The following HS6ST3 variants were observed in gnomAD, a reference collection of about 807,000 sequenced individuals.
The protein encoded by HS6ST3 is heparan-sulfate 6-O-sulfotransferase 3.
HS6ST3 carries 12 observed loss-of-function variants against 36.7 expected under a neutral mutation model. The observed-to-expected ratio is 0.33, with a 90% CI of 0.21 to 0.53. HS6ST3 has a LOEUF of 0.53. Ranked by LOEUF, HS6ST3 falls within the 20% of genes least tolerant of loss-of-function variation. The pLI, the probability that HS6ST3 is intolerant of heterozygous loss-of-function variation, is 0.95. For synonymous variants in HS6ST3, 240 were observed against 257.5 expected (o/e 0.93, Z 0.65); for missense variants, 584 against 640.9 (o/e 0.91, Z 0.96).
At chr13:96,698,349 T>A (rs1028440943) in intron 1 of HS6ST3, among the ~76,000 whole-genome samples, 1 of 152,182 alleles carries the variant, frequency 6.6e-6, no homozygotes, top group South Asian at 2.1e-4. Context: ...TCCAGCTTCA[T>A]CCATGTCCCT....
At chr13:96,370,634 A>G (rs534694320) in intron 1 of HS6ST3, among the ~76,000 whole-genome samples, 2 of 152,308 alleles carry the variant, frequency 1.3e-5, no homozygotes, top group East Asian at 1.9e-4. Flanking sequence ...ATTATTGGCC[A>G]GGTGTGGTGG....
intron 1 of HS6ST3, among the ~76,000 whole-genome samples, chr13:96,532,670 C>T (rs1367238176): frequency 2.6e-5 from 4 of 152,158 alleles, no homozygotes; most frequent in South Asian, 2.1e-4. Context: ...GAGAACCTTT[C>T]CTAATAGTAC....
At chr13:96,520,653 T>C (rs1360353741) in intron 1 of HS6ST3, among the ~76,000 whole-genome samples, 1 of 152,218 alleles carries the variant, frequency 6.6e-6, no homozygotes, top group Non-Finnish European at 1.5e-5. Context: ...TGTTTCTCTG[T>C]TATTGGTGTA....
intron 1 of HS6ST3, among the ~76,000 whole-genome samples, chr13:96,567,024 G>GA (rs755116126): frequency 5.9e-5 from 9 of 152,022 alleles, no homozygotes; most frequent in Non-Finnish European, 1.2e-4. Flanking sequence ...GGGAAAGACT[G>GA]AAAAAATGTA....
chr13:96,601,835 C>T (rs749186053), intron 1 of HS6ST3, among the ~76,000 whole-genome samples: 16 of 152,038 alleles, frequency 1.1e-4, no homozygotes, highest in African/African-American at 3.6e-4. Flanking sequence ...TTTATGGTCA[C>T]CTAGCTTTGG....
chr13:96,352,112 A>C (rs1264097265), intron 1 of HS6ST3, among the ~76,000 whole-genome samples: 2 of 152,208 alleles, frequency 1.3e-5, no homozygotes, highest in Non-Finnish European at 2.9e-5. Context: ...ATTCTATGTA[A>C]ATGAGTCTTT....
chr13:96,454,642 AG>A (rs1441894239), intron 1 of HS6ST3, among the ~76,000 whole-genome samples: 5 of 151,862 alleles, frequency 3.3e-5, no homozygotes, highest in Admixed American at 6.6e-5. Context: ...TAAAACATTT[AG>A]GTTTTTTTAA....
intron 1 of HS6ST3, among the ~76,000 whole-genome samples, chr13:96,537,831 T>G (rs2056161858): frequency 6.6e-6 from 1 of 152,210 alleles, no homozygotes; most frequent in Admixed American, 6.5e-5. Flanking sequence ...GTGTCTGTTT[T>G]ATAAATGAGA....
At chr13:96,496,594 C>A (rs1448740413) in intron 1 of HS6ST3, among the ~76,000 whole-genome samples, 2 of 152,168 alleles carry the variant, frequency 1.3e-5, no homozygotes, top group Non-Finnish European at 2.9e-5. Flanking sequence ...CCTTTCTACA[C>A]AACTTTTCCA....
At chr13:96,097,337 C>A (rs2053796437) in intron 1 of HS6ST3, among the ~76,000 whole-genome samples, 1 of 152,102 alleles carries the variant, frequency 6.6e-6, no homozygotes, top group Non-Finnish European at 1.5e-5. Flanking sequence ...TGACTAAAGA[C>A]AATCAGAAGC....
chr13:96,524,598 TC>T (rs923048660), intron 1 of HS6ST3, among the ~76,000 whole-genome samples: 18 of 152,072 alleles, frequency 1.2e-4, no homozygotes, highest in Non-Finnish European at 2.4e-4. Flanking sequence ...AGATGCCCCT[TC>T]CCCCACCAAG....
Position 96,381,410 on chromosome 13 carries a change from G to GTATCTATGTATCTATGTATCTATGTATC in HS6ST3, c.707+289848_707+289849insGTATCTATGTATCTATGTATCTATCTAT, listed in dbSNP as rs141594405. 1.3e-4 allele frequency among the ~76,000 whole-genome samples: 18 copies of GTATCTATGTATCTATGTATCTATGTATC among 138,684 alleles called. No individual in the cohort carries two copies. In the East Asian group the frequency reaches 1.5e-3, roughly 11 times the overall value. The allele number at this position is 138,684 out of a possible 152,430, so 91.0% of individuals were successfully genotyped here. A position where few individuals can be genotyped will look rare whatever the true frequency, so the allele number is the denominator to read the frequency against. ...TGTATCTATGTATCTATGTATCTAT[G>GTATCTATGTATCTATGTATCTATGTATC]TATCTATCTATCTATCTATCTATCT... On this transcript the variant is annotated intron_variant, in intron 1 of 1. Coordinates refer to ENST00000376705, the MANE Select transcript of HS6ST3 (RefSeq NM_153456.4).
chr13:96,337,287 G>C (rs1049301292), intron 1 of HS6ST3, among the ~76,000 whole-genome samples: 12 of 152,162 alleles, frequency 7.9e-5, no homozygotes, highest in African/African-American at 2.9e-4. Context: ...ATGTTAGCCA[G>C]GATGGTCTTG....
At chr13:96,122,206 C>G (rs1257992311) in intron 1 of HS6ST3, among the ~76,000 whole-genome samples, 1 of 151,138 alleles carries the variant, frequency 6.6e-6, no homozygotes, top group East Asian at 1.9e-4. Context: ...CCCAAAGTCA[C>G]AAAGATAGAA....
intron 1 of HS6ST3, among the ~76,000 whole-genome samples, chr13:96,367,108 T>A (rs775041548): frequency 6.6e-6 from 1 of 152,226 alleles, no homozygotes; most frequent in Non-Finnish European, 1.5e-5. Flanking sequence ...CTCTAAGGAA[T>A]AAATTGCTAA....
At chr13:96,095,872 G>GTGTGTGTA (rs2053788170) in intron 1 of HS6ST3, among the ~76,000 whole-genome samples, 1 of 102,702 alleles carries the variant, frequency 9.7e-6, no homozygotes, top group African/African-American at 3.0e-5. Context: ...TGGTGTGTGT[G>GTGTGTGTA]TGTGTGTGTG....
chr13:96,436,417 G>A (rs1356010954), intron 1 of HS6ST3, among the ~76,000 whole-genome samples: 1 of 152,050 alleles, frequency 6.6e-6, no homozygotes, highest in African/African-American at 2.4e-5. Context: ...TCACAGTACT[G>A]TACACAGTTA....
At chr13:96,146,395 G>C (rs1290520795) in intron 1 of HS6ST3, among the ~76,000 whole-genome samples, 7 of 152,028 alleles carry the variant, frequency 4.6e-5, no homozygotes, top group Non-Finnish European at 8.8e-5. Flanking sequence ...GTATTCCTAG[G>C]TATTTTATTC....
chr13:96,473,114 G>A (rs1243942517), intron 1 of HS6ST3, among the ~76,000 whole-genome samples: 3 of 152,122 alleles, frequency 2.0e-5, no homozygotes, highest in Admixed American at 2.0e-4. Flanking sequence ...CTACTACCTT[G>A]CCTAGCAGTA....
Sources: gnomAD v4.1 joint callset for allele counts (sites outside exome capture counted in the v4.1 genomes callset) on GRCh38, gnomAD v4.1.1 for gene constraint, MANE v1.5 for transcripts, NCBI Gene and HGNC (gene_info 2026-07-23, HGNC 2026-07-21) for gene names.